Variants in UNC13C observed in about 807,000 individuals in gnomAD.
The protein encoded by UNC13C is unc-13 homolog C, also known as protein unc-13 homolog C.
Under a neutral mutation model 245.4 loss-of-function variants are expected in UNC13C, and 174 were observed. The ratio of observed to expected loss-of-function variants is 0.71; its 90% CI spans 0.63 to 0.80. The LOEUF is 0.80. Among genes scored for constraint, UNC13C ranks in the 30% least tolerant of loss-of-function variants. The pLI is 0.00. For missense variants in UNC13C, 2,829 were observed against 2,602.9 expected (o/e 1.09, Z -1.89); for synonymous variants, 992 against 895.1 (o/e 1.11, Z -1.93).
In UNC13C at chr15:54,494,676, T is replaced by C. The variant is rs758587904; in HGVS notation, c.5002T>C (p.Tyr1668His). Residue 1668 changes from tyrosine (Y) to histidine (H), a missense_variant, in exon 20 of 33, where the codon TAT (tyrosine) becomes CAT (histidine). Coordinates refer to ENST00000260323, the MANE Select transcript of UNC13C (RefSeq NM_001080534.3). ...MNLHFKVKWF[Y>H]NEYVRELPAF... ...TTTGCATTTCAAAGTTAAATGGTTT[T>C]ATAATGAATATGTGCGTGAACTTCC... The C allele has an allele frequency of 6.2e-7, 1 of 1,611,698 alleles. No individual in the cohort carries two copies. The highest frequency in any genetic ancestry group is 8.5e-7 in the Non-Finnish European group (1 of 1,178,762).
At chr15:54,536,954 C>T (rs189376228) in intron 26 of UNC13C, among the ~76,000 whole-genome samples, 1 of 152,186 alleles carries the variant, frequency 6.6e-6, no homozygotes, top group African/African-American at 2.4e-5. Context: ...TACTCCTATT[C>T]AACATAGTAC....
intron 4 of UNC13C, among the ~76,000 whole-genome samples, chr15:54,210,708 A>T (rs1209616361): frequency 6.6e-6 from 1 of 152,140 alleles, no homozygotes; most frequent in African/African-American, 2.4e-5. Flanking sequence ...CCACAGTTGC[A>T]TGGATGCTGG....
At chr15:54,076,026 G>A (rs566751832) in intron 2 of UNC13C, among the ~76,000 whole-genome samples, 8 of 143,194 alleles carry the variant, frequency 5.6e-5, no homozygotes, top group African/African-American at 2.1e-4. Flanking sequence ...GTCTTCTAGA[G>A]TTCTAGGTCA....
chr15:54,247,271 T>C (rs1748978087), intron 7 of UNC13C, among the ~76,000 whole-genome samples: 1 of 152,180 alleles, frequency 6.6e-6, no homozygotes, highest in Non-Finnish European at 1.5e-5. Flanking sequence ...GCCATGCTTT[T>C]ATTTAATGCT....
chr15:54,081,821 C>T (rs1294716328), intron 2 of UNC13C, among the ~76,000 whole-genome samples: 1 of 152,042 alleles, frequency 6.6e-6, no homozygotes, highest in Non-Finnish European at 1.5e-5. Flanking sequence ...AGGTTTTGTT[C>T]CTCTCCTAGC....
chr15:54,274,733 G>A (rs1460007109), intron 10 of UNC13C, among the ~76,000 whole-genome samples: 1 of 140,446 alleles, frequency 7.1e-6, no homozygotes, highest in Admixed American at 7.6e-5. Flanking sequence ...GTGCAGTGGC[G>A]CGATCTCGGC....
chr15:53,971,994 G>A, the UNC13C span, among the ~76,000 whole-genome samples: 1 of 152,166 alleles, frequency 6.6e-6, no homozygotes, highest in Non-Finnish European at 1.5e-5. Flanking sequence ...ATACCAGTTA[G>A]AATTATTTTT....
intron 2 of UNC13C, among the ~76,000 whole-genome samples, chr15:54,018,635 T>C (rs1895765574): frequency 1.3e-5 from 2 of 152,214 alleles, no homozygotes; most frequent in African/African-American, 4.8e-5. Context: ...TCTTGATTCC[T>C]ACACCATGAT....
the UNC13C span, among the ~76,000 whole-genome samples, chr15:53,968,905 G>A: frequency 1.2e-4 from 18 of 152,138 alleles, no homozygotes; most frequent in Non-Finnish European, 2.2e-4. Flanking sequence ...TTAGGCAACT[G>A]TTGTTCTAGA....
intron 13 of UNC13C, among the ~76,000 whole-genome samples, chr15:54,315,420 G>T (rs534471433): frequency 6.6e-6 from 1 of 151,086 alleles, no homozygotes; most frequent in East Asian, 2.0e-4. Flanking sequence ...CTTTTATCAA[G>T]ATTATCCTGA....
chr15:53,874,201 C>T, the UNC13C span, among the ~76,000 whole-genome samples: 255 of 152,116 alleles, frequency 1.7e-3, 4 homozygotes, highest in East Asian at 0.043. Context: ...TGGCATGTTT[C>T]TTATAGTAAA....
intron 28 of UNC13C, among the ~76,000 whole-genome samples, chr15:54,550,260 A>C (rs1040272064): frequency 4.6e-5 from 7 of 152,170 alleles, no homozygotes; most frequent in African/African-American, 1.7e-4. Context: ...ACCTTGTTTC[A>C]AATTCTTCCT....
At chr15:54,201,915 C>T (rs2034536603) in intron 4 of UNC13C, among the ~76,000 whole-genome samples, 1 of 151,874 alleles carries the variant, frequency 6.6e-6, no homozygotes, top group African/African-American at 2.4e-5. Flanking sequence ...CTAGAAAACC[C>T]TAAAGACTCA....
intron 2 of UNC13C, among the ~76,000 whole-genome samples, chr15:54,099,399 G>A (rs921885059): frequency 2.6e-5 from 4 of 152,088 alleles, no homozygotes; most frequent in African/African-American, 9.7e-5. Flanking sequence ...CCCAGTAAGT[G>A]GTCTCACTAT....
chr15:54,250,261 A>G lies in UNC13C; in HGVS notation c.3265A>G (p.Ile1089Val). 6.2e-7 allele frequency: 1 copy of G among 1,613,960 alleles called. No homozygotes were observed. Among genetic ancestry groups the G allele is most frequent in the Non-Finnish European group, 8.5e-7 (1 of 1,179,878 alleles). The change falls in exon 8 of 33, where the codon ATC becomes GTC. Residue 1089 changes from isoleucine (I) to valine (V), a missense_variant. Coordinates refer to ENST00000260323, the MANE Select transcript of UNC13C (RefSeq NM_001080534.3). ...CTTCAAGAAGACCTTGCAGGCACTGATCTACCCTATGTCTTCTACCATCCC... is the reference window on the plus strand; with the variant it reads ...CTTCAAGAAGACCTTGCAGGCACTGGTCTACCCTATGTCTTCTACCATCCC... Reference protein sequence around the residue: ...HVFKKTLQALIYPMSSTIPHN... With the variant: ...HVFKKTLQALVYPMSSTIPHN...
intron 23 of UNC13C, among the ~76,000 whole-genome samples, chr15:54,509,837 C>T (rs1346938525): frequency 6.6e-6 from 1 of 152,124 alleles, no homozygotes; most frequent in Non-Finnish European, 1.5e-5. Flanking sequence ...GCACTTTGAA[C>T]ATTTCAAGGT....
intron 18 of UNC13C, among the ~76,000 whole-genome samples, chr15:54,408,181 C>CA (rs2040340843): frequency 9.6e-6 from 1 of 104,374 alleles, no homozygotes; most frequent in Non-Finnish European, 1.7e-5. Flanking sequence ...GCCTGGGTGA[C>CA]AGAGTGAGAC....
At chr15:54,271,286 G>A (rs1024227036) in intron 10 of UNC13C, among the ~76,000 whole-genome samples, 6 of 152,120 alleles carry the variant, frequency 3.9e-5, no homozygotes. Flanking sequence ...ACATATGAAA[G>A]CACTTTGAAA....
the UNC13C span, among the ~76,000 whole-genome samples, chr15:53,895,706 G>A: frequency 2.0e-5 from 3 of 152,224 alleles, no homozygotes; most frequent in South Asian, 2.1e-4. Context: ...CATTACAGAC[G>A]AGAAGGATTT....
Sources: gnomAD v4.1 joint callset for allele counts (sites outside exome capture counted in the v4.1 genomes callset) on GRCh38, gnomAD v4.1.1 for gene constraint, MANE v1.5 for transcripts, NCBI Gene and HGNC (gene_info 2026-07-23, HGNC 2026-07-21) for gene names.